ELSPBP1: variants seen among roughly 807,000 people sequenced by gnomAD.
The protein encoded by ELSPBP1 is epididymal sperm binding protein 1.
Under a neutral mutation model 33.3 loss-of-function variants are expected in ELSPBP1, and 38 were observed. The observed-to-expected ratio is 1.14, with a 90% CI of 0.88 to 1.50. The LOEUF is 1.50. ELSPBP1 is among the 40% of genes most tolerant of loss of function. ELSPBP1 has a pLI of 0.00. For synonymous variants in ELSPBP1, 85 were observed against 94.1 expected (o/e 0.90, Z 0.56); for missense variants, 267 against 263.5 (o/e 1.01, Z -0.09).
At position 48,008,754 on chromosome 19, in the gene ELSPBP1, C is replaced by A. The variant is rs1600105184; in HGVS notation, c.70+17C>A. 1.2e-6 allele frequency: 2 copies of A among 1,605,216 alleles called. No homozygotes were observed. Among genetic ancestry groups the A allele is most frequent in the Non-Finnish European group, 1.7e-6 (2 of 1,172,694 alleles). On this transcript the variant is annotated intron_variant, in intron 2 of 6. Transcript: ENST00000339841. ...CAAGTGGAGGTAAGGACACTCAAAG[C>A]AACAGGGAGGATTTAGAAGCTGGAG...
In ELSPBP1 at chr19:48,016,757, C is replaced by T. The variant is rs182066572; in HGVS notation, c.355+718C>T. On this transcript the variant is annotated intron_variant, in intron 4 of 6. Transcript: ENST00000339841. ...GGGATTGCAGGCGCCCACCACCACACCCAGCTAATTTTTGTATTTTTAGCA... is the reference window on the plus strand; with the variant it reads ...GGGATTGCAGGCGCCCACCACCACATCCAGCTAATTTTTGTATTTTTAGCA... Among the ~76,000 whole-genome samples, 836 of 151,914 alleles carry T rather than the reference C, an allele frequency of 5.5e-3. 1 individual carries two copies. Among genetic ancestry groups the T allele is most frequent in the Non-Finnish European group, 8.9e-3 (602 of 67,996 alleles).
At position 48,011,517 on chromosome 19, in the gene ELSPBP1, A is replaced by G. The variant is rs918915364; in HGVS notation, c.71-2654A>G. 4.0e-5 allele frequency among the ~76,000 whole-genome samples: 6 copies of G among 150,322 alleles called. No homozygotes were observed. The highest frequency in any genetic ancestry group is 1.5e-4 in the African/African-American group (6 of 39,752). ...ATGACTGATAATGATGATGACAATG[A>G]TGATGACAATGACTGATAATGATGA... On this transcript the variant is annotated intron_variant, in intron 2 of 6. Coordinates refer to ENST00000339841, the MANE Select transcript of ELSPBP1 (RefSeq NM_022142.5). The surrounding 1 kb of genome is among the most constrained non-coding windows in gnomAD (Gnocchi z 4.5).
intron 4 of ELSPBP1, among the ~76,000 whole-genome samples, chr19:48,017,499 A>T (rs1967154719): frequency 1.3e-5 from 2 of 152,204 alleles, no homozygotes; most frequent in South Asian, 4.1e-4. Context: ...ACATTCCATC[A>T]TTAATAAATA....
rs111212177 is a variant in ELSPBP1 at position 48,011,537 on chromosome 19, T to G, written c.71-2634T>G. Among the ~76,000 whole-genome samples, 25,343 of 151,362 alleles carry G rather than the reference T, an allele frequency of 0.17. 2,179 individuals are homozygous for G. Among genetic ancestry groups the G allele is most frequent in the South Asian group, 0.23 (1,091 of 4,772 alleles). ...CAATGATGATGACAATGACTGATAA[T>G]GATGACAATGATGATGATGACAATG... is the stretch of plus-strand genomic sequence containing the variant. On this transcript the variant is annotated intron_variant, in intron 2 of 6. Transcript: ENST00000339841. The surrounding 1 kb of genome is among the most constrained non-coding windows in gnomAD (Gnocchi z 4.5).
chr19:48,023,893 C>T (rs112792757), intron 6 of ELSPBP1, among the ~76,000 whole-genome samples: 36 of 149,968 alleles, frequency 2.4e-4, no homozygotes, highest in African/African-American at 8.3e-4. Flanking sequence ...TTTTTTGAGA[C>T]GGGGTCTCAC....
At chr19:47,997,729 A>G (rs1198241319) in intron 1 of ELSPBP1, among the ~76,000 whole-genome samples, 3 of 152,200 alleles carry the variant, frequency 2.0e-5, no homozygotes, top group African/African-American at 2.4e-5. Flanking sequence ...ATTTTGATAC[A>G]TGCAGACAGT....
At chr19:48,023,937 C>T (rs904544640) in intron 6 of ELSPBP1, among the ~76,000 whole-genome samples, 5 of 151,632 alleles carry the variant, frequency 3.3e-5, no homozygotes, top group Non-Finnish European at 5.9e-5. Flanking sequence ...GTGGTGCAAT[C>T]TCAGCTCACT....
chr19:48,012,887 A>G (rs909994396), intron 2 of ELSPBP1, among the ~76,000 whole-genome samples: 1 of 152,246 alleles, frequency 6.6e-6, no homozygotes, highest in African/African-American at 2.4e-5. Context: ...AGGAAGTACG[A>G]CCAAAAAGAA....
intron 1 of ELSPBP1, among the ~76,000 whole-genome samples, chr19:47,997,797 G>C (rs1390015970): frequency 2.0e-5 from 3 of 152,150 alleles, no homozygotes; most frequent in Non-Finnish European, 4.4e-5. Context: ...TCATTTCTTT[G>C]TGTTGGGAAT....
chr19:48,001,016 C>T (rs1037754181), intron 1 of ELSPBP1, among the ~76,000 whole-genome samples: 2 of 152,178 alleles, frequency 1.3e-5, no homozygotes, highest in African/African-American at 4.8e-5. Context: ...AGCCAGGCTG[C>T]ATTCCTTCTG....
chr19:48,005,943 T>C (rs1967012991), intron 1 of ELSPBP1, among the ~76,000 whole-genome samples: 1 of 152,104 alleles, frequency 6.6e-6, no homozygotes, highest in African/African-American at 2.4e-5. Flanking sequence ...TAGCACTCAA[T>C]GAGTTTTATC....
chr19:47,997,390 G>A (rs1966921731), intron 1 of ELSPBP1, among the ~76,000 whole-genome samples: 1 of 152,020 alleles, frequency 6.6e-6, no homozygotes, highest in South Asian at 2.1e-4. Flanking sequence ...CTGTATATGT[G>A]CACATATGAT....
chr19:48,010,869 T>C (rs1411523982), intron 2 of ELSPBP1, among the ~76,000 whole-genome samples: 2 of 152,222 alleles, frequency 1.3e-5, no homozygotes, highest in African/African-American at 2.4e-5. Context: ...ATAGTATTCA[T>C]TATGTGCTGA....
chr19:48,006,212 G>C (rs1310789896), intron 1 of ELSPBP1, among the ~76,000 whole-genome samples: 1 of 151,970 alleles, frequency 6.6e-6, no homozygotes, highest in Non-Finnish European at 1.5e-5. Flanking sequence ...CTCCCATCTT[G>C]GCCTCCCAAA....
chr19:48,014,530 G>A (rs1161572933), intron 3 of ELSPBP1, among the ~76,000 whole-genome samples: 2 of 128,072 alleles, frequency 1.6e-5, no homozygotes, highest in African/African-American at 2.9e-5. Flanking sequence ...GTTGTGGGGT[G>A]GGGGGCGGGG....
At chr19:48,001,338 C>A (rs1437510059) in intron 1 of ELSPBP1, among the ~76,000 whole-genome samples, 2 of 127,830 alleles carry the variant, frequency 1.6e-5, no homozygotes, top group Admixed American at 8.9e-5. Context: ...TTACACCACA[C>A]CCAGCTAATT....
intron 3 of ELSPBP1, among the ~76,000 whole-genome samples, chr19:48,014,714 A>T (rs953790980): frequency 6.6e-6 from 1 of 151,784 alleles, no homozygotes; most frequent in African/African-American, 2.4e-5. Context: ...TGTAATGGGT[A>T]ATAAATGATA....
At chr19:48,024,019 T>C (rs1030667456) in intron 6 of ELSPBP1, among the ~76,000 whole-genome samples, 8 of 149,010 alleles carry the variant, frequency 5.4e-5, no homozygotes, top group Admixed American at 4.1e-4. Flanking sequence ...TACAGGGGTG[T>C]GCCACCATGC....
intron 1 of ELSPBP1, among the ~76,000 whole-genome samples, chr19:47,996,647 A>T (rs1966915045): frequency 6.6e-6 from 1 of 152,032 alleles, no homozygotes. Flanking sequence ...ACATGGGTGG[A>T]TGGGTGGATG....
Sources: allele counts gnomAD v4.1 joint callset (sites outside exome capture counted in the v4.1 genomes callset), GRCh38; gene constraint gnomAD v4.1.1; non-coding constraint Gnocchi (gnomAD v3.1); transcripts MANE v1.5; gene names NCBI Gene and HGNC (gene_info 2026-07-23, HGNC 2026-07-21).